Variants in HIC1 observed in about 807,000 individuals in gnomAD.
HIC1 encodes the protein hypermethylated in cancer 1 protein.
Under a neutral mutation model 26.4 loss-of-function variants are expected in HIC1, and 9 were observed. The ratio of observed to expected loss-of-function variants is 0.34; its 90% CI spans 0.21 to 0.59. HIC1 has a LOEUF of 0.59. Ranked by LOEUF, HIC1 falls within the 20% of genes least tolerant of loss-of-function variation. The probability of loss-of-function intolerance (pLI) is 0.82; values close to 1 mark genes in which losing one functional copy is unlikely to be tolerated. For missense variants in HIC1, 965 were observed against 1,075.7 expected, an observed-to-expected ratio of 0.90 and a Z score of 1.44; for synonymous variants, 631 against 523.1, an observed-to-expected ratio of 1.21 and a Z score of -2.81.
Position 2,057,665 on chromosome 17 carries a change from G to T in HIC1, c.975G>T (p.Glu325Asp). The change falls in exon 2 of 2, where the codon GAG (glutamate) becomes GAT (aspartate). Residue 325 changes from glutamate (E) to aspartate (D), a missense_variant. Coordinates refer to ENST00000619757, the MANE Select transcript of HIC1 (RefSeq NM_006497.4). Reference sequence around the variant, plus strand: ...CGGGCCTGGGTAGCTATGGCGACGAGCTGGGCCGGGAGCGCGGCTCCCCCA... The same window carrying T: ...CGGGCCTGGGTAGCTATGGCGACGATCTGGGCCGGGAGCGCGGCTCCCCCA... ...HEPGLGSYGD[E>D]LGRERGSPSE... is the part of the protein sequence containing the mutation. 6.6e-7 allele frequency: 1 copy of T among 1,511,936 alleles called. No homozygotes were observed. Among genetic ancestry groups the T allele is most frequent in the Non-Finnish European group, 8.8e-7 (1 of 1,137,782 alleles). The allele number at this position is 1,511,936 out of a possible 1,614,324, so 93.7% of individuals were successfully genotyped here.
rs2067682610 is a variant in HIC1 at position 2,057,437 on chromosome 17, G to C, written c.747G>C (p.Pro249=). ...PLAERELPPR[P]DSPPSAGPAA... ...CTGAGCGCGAGCTGCCCCCGCGCCC[G>C]GACAGCCCTCCCAGCGCCGGCCCCG... Residue 249 remains proline, a synonymous_variant, in exon 2 of 2, where the codon CCG becomes CCC. Transcript: ENST00000619757. The C allele has an allele frequency of 4.1e-6, 6 of 1,453,168 alleles. No homozygotes were observed. The Admixed American group carries it at 1.1e-4, about 26-fold the overall frequency. The allele number at this position is 1,453,168 out of a possible 1,614,324, so 90.0% of individuals were successfully genotyped here. A position where few individuals can be genotyped will look rare whatever the true frequency, so the allele number is the denominator to read the frequency against.
In HIC1 at chr17:2,061,647, C is replaced by A. The variant is rs1463895747; in HGVS notation, c.*2812C>A. 1 of 1,561,850 alleles carries A rather than the reference C, an allele frequency of 6.4e-7. No homozygotes were observed. Among genetic ancestry groups the A allele is most frequent in the Admixed American group, 1.9e-5 (1 of 52,934 alleles). On this transcript the variant is annotated 3_prime_UTR_variant, in exon 2 of 2. Transcript: ENST00000619757. ...TCTGTGGGCATGAGAGAGCAGAAGG[C>A]TGTCACTGAGGACAGGAGGCAGAGG...
In HIC1 at chr17:2,058,049, G is replaced by C; in HGVS notation, c.1359G>C (p.Ala453=). The part of the protein sequence containing the change: ...EEEALYGRAE[A]AEVAAGAAGL... ...AAGCGCTGTACGGCAGGGCCGAGGC[G>C]GCCGAAGTGGCCGCTGGGGCCGCCG... Residue 453 remains alanine (A), a synonymous_variant, in exon 2 of 2, where the codon GCG becomes GCC. Coordinates refer to ENST00000619757, the MANE Select transcript of HIC1 (RefSeq NM_006497.4). 1 of 1,582,582 alleles carries C rather than the reference G, an allele frequency of 6.3e-7. No homozygotes were observed. Among genetic ancestry groups the C allele is most frequent in the Non-Finnish European group, 8.6e-7 (1 of 1,166,460 alleles).
In HIC1 at chr17:2,058,939, C is replaced by G. The variant is rs1370107986; in HGVS notation, c.*104C>G. Reference sequence around the variant, plus strand: ...GGGCCCACTGTGCCCGGGACAACCGCAGCGTCGCCACAGTGGCGGCTCCAC... The same window carrying G: ...GGGCCCACTGTGCCCGGGACAACCGGAGCGTCGCCACAGTGGCGGCTCCAC... On this transcript the variant is annotated 3_prime_UTR_variant, in exon 2 of 2. Coordinates refer to ENST00000619757, the MANE Select transcript of HIC1 (RefSeq NM_006497.4). The G allele has an allele frequency of 9.5e-7, 1 of 1,052,220 alleles. No individual in the cohort carries two copies. Among genetic ancestry groups the G allele is most frequent in the Admixed American group, 4.2e-5 (1 of 23,674 alleles). The allele number at this position is 1,052,220 out of a possible 1,614,324, so 65.2% of individuals were successfully genotyped here. A position where few individuals can be genotyped will look rare whatever the true frequency, so the allele number is the denominator to read the frequency against.
chr17:2,057,477 C>A lies in HIC1; in HGVS notation c.787C>A (p.Pro263Thr). The A allele has an allele frequency of 6.8e-7, 1 of 1,478,782 alleles. No homozygotes were observed. Among genetic ancestry groups the A allele is most frequent in the South Asian group, 1.3e-5 (1 of 78,926 alleles). 91.6% of individuals were successfully genotyped at this position (1,478,782 alleles called of 1,614,324 possible). A position where few individuals can be genotyped will look rare whatever the true frequency, so the allele number is the denominator to read the frequency against. ...CGCCGGCCCCGCCGCCTACAAGGAG[C>A]CGCCTCTCGCCCTGCCGTCGCTGCC... ...PSAGPAAYKE[P>T]PLALPSLPPL... The change falls in exon 2 of 2, where the codon CCG becomes ACG. Residue 263 changes from proline (P) to threonine (T), a missense_variant. Transcript: ENST00000619757.
At position 2,061,619 on chromosome 17, in the gene HIC1, T is replaced by G; in HGVS notation, c.*2784T>G. 1 of 1,571,202 alleles carries G rather than the reference T, an allele frequency of 6.4e-7. No individual in the cohort carries two copies. Among genetic ancestry groups the G allele is most frequent in the Non-Finnish European group, 8.6e-7 (1 of 1,157,970 alleles). On this transcript the variant is annotated 3_prime_UTR_variant, in exon 2 of 2. Coordinates refer to ENST00000619757, the MANE Select transcript of HIC1 (RefSeq NM_006497.4). ...CACCTCCCGCAGTAGCCGGATTGGC[T>G]CCTCTGTGGGCATGAGAGAGCAGAA...
Position 2,057,116 on chromosome 17 carries a change from C to T in HIC1, c.426C>T (p.Gly142=). 7.6e-7 allele frequency: 1 copy of T among 1,307,668 alleles called. No homozygotes were observed. Among genetic ancestry groups the T allele is most frequent in the South Asian group, 2.3e-5 (1 of 43,016 alleles). 81.0% of individuals were successfully genotyped at this position (1,307,668 alleles called of 1,614,324 possible). ...GCAAGTACTGCCACCTGCGGGGCGG[C>T]GGCGGCGGCGGCGGCGGCTACGCGC... ...RHGKYCHLRG[G]GGGGGGYAPY... The change falls in exon 2 of 2, where the codon GGC becomes GGT. Residue 142 remains glycine (G), a synonymous_variant. Transcript: ENST00000619757.
Position 2,058,653 on chromosome 17 carries a change from C to T in HIC1, c.1963C>T (p.Leu655=). The part of the protein sequence containing the change: ...QQDKAAAAEL[L]AQTTHFLHDP... ...GGACAAGGCGGCCGCGGCCGAGCTG[C>T]TGGCGCAGACCACGCACTTCCTGCA... The change falls in exon 2 of 2, where the codon CTG becomes TTG. Residue 655 remains leucine, a synonymous_variant. Transcript: ENST00000619757. 6.4e-7 allele frequency: 1 copy of T among 1,563,702 alleles called. No homozygotes were observed. Among genetic ancestry groups the T allele is most frequent in the Non-Finnish European group, 8.6e-7 (1 of 1,161,060 alleles).
Position 2,058,398 on chromosome 17 carries a change from A to C in HIC1, c.1708A>C (p.Lys570Gln). 6.2e-7 allele frequency: 1 copy of C among 1,610,838 alleles called. No individual in the cohort carries two copies. Among genetic ancestry groups the C allele is most frequent in the Non-Finnish European group, 8.5e-7 (1 of 1,179,006 alleles). ...GCACATGCGCATCCACTCGGGCGAG[A>C]AGCCCTACGAGTGCCAGGTGTGCGG... Reference protein sequence around the residue: ...TEHMRIHSGEKPYECQVCGGK... With the variant: ...TEHMRIHSGEQPYECQVCGGK... The change falls in exon 2 of 2, where the codon AAG becomes CAG. Residue 570 changes from lysine (K) to glutamine (Q), a missense_variant. This residue lies in a region of HIC1 where 45 missense variants were observed against 119.9 expected (regional missense o/e 0.38). Transcript: ENST00000619757.
At position 2,057,085 on chromosome 17, in the gene HIC1, G is replaced by A. The variant is rs1485518057; in HGVS notation, c.395G>A (p.Arg132His). Residue 132 changes from arginine to histidine, a missense_variant, in exon 2 of 2, where the codon CGC becomes CAC. This residue lies in a region of HIC1 where 526 missense variants were observed against 525.0 expected (regional missense o/e 1.00). Transcript: ENST00000619757. ...LVALCKKRLK[R>H]HGKYCHLRGG... ...GCGCTGTGCAAGAAACGCCTCAAGC[G>A]CCACGGCAAGTACTGCCACCTGCGG... 2 of 1,400,036 alleles carry A rather than the reference G, an allele frequency of 1.4e-6. No homozygotes were observed. Among genetic ancestry groups the A allele is most frequent in the East Asian group, 3.0e-5 (1 of 33,130 alleles). 86.7% of individuals were successfully genotyped at this position (1,400,036 alleles called of 1,614,324 possible). A position where few individuals can be genotyped will look rare whatever the true frequency, so the allele number is the denominator to read the frequency against.
In HIC1 at chr17:2,060,099, G is replaced by A. The variant is rs1597306652; in HGVS notation, c.*1264G>A. The A allele has an allele frequency of 1.3e-5, 2 of 152,918 alleles. No individual in the cohort carries two copies. Among genetic ancestry groups the A allele is most frequent in the Admixed American group, 6.5e-5 (1 of 15,300 alleles). 9.5% of individuals were successfully genotyped at this position (152,918 alleles called of 1,614,324 possible). A position where few individuals can be genotyped will look rare whatever the true frequency, so the allele number is the denominator to read the frequency against. On this transcript the variant is annotated 3_prime_UTR_variant, in exon 2 of 2. Transcript: ENST00000619757. ...GCTTCTGGCATAGTCCTGGGCCTCA[G>A]GGAGGGCAGAGCTGCGCACCCATCC...
rs1275257479 is a variant in HIC1, at chr17:2,056,924, G to A, written c.234G>A (p.Val78=). 1.2e-6 allele frequency: 2 copies of A among 1,612,386 alleles called. No homozygotes were observed. The highest frequency in any genetic ancestry group is 1.7e-5 in the Admixed American group (1 of 59,986). ...TGAGCCCGGCCGTGTTCCGCCTGGT[G>A]CTGGACTTCATCTACACCGGCCGCC... ...DMVSPAVFRL[V]LDFIYTGRLA... is the part of the protein sequence containing the mutation. The change falls in exon 2 of 2, where the codon GTG becomes GTA. Residue 78 remains valine, a synonymous_variant. Coordinates refer to ENST00000619757, the MANE Select transcript of HIC1 (RefSeq NM_006497.4).
At chr17:2,056,004 C>G (rs1200279521) in intron 1 of HIC1, among the ~76,000 whole-genome samples, 3 of 124,362 alleles carry the variant, frequency 2.4e-5, no homozygotes, top group African/African-American at 8.8e-5. Context: ...CTGGGAGCTG[C>G]GTGGCTCCCC....
In HIC1 at chr17:2,063,225, A is replaced by C. The variant is rs1206903617; in HGVS notation, c.*4390A>C. 6.6e-6 allele frequency: 1 copy of C among 152,238 alleles called. No homozygotes were observed. The highest frequency in any genetic ancestry group is 1.5e-5 in the Non-Finnish European group (1 of 68,050). 9.4% of individuals were successfully genotyped at this position (152,238 alleles called of 1,614,324 possible). ...GGATACTTTGACATTTTTCACAATA[A>C]ACATCCTCTGTTTTGACACTGGTAA... On this transcript the variant is annotated 3_prime_UTR_variant, in exon 2 of 2. Transcript: ENST00000619757.
rs772459357 is a variant in HIC1, at chr17:2,058,485, G to C, written c.1795G>C (p.Ala599Pro). Residue 599 changes from alanine (A) to proline (P), a missense_variant, in exon 2 of 2, where the codon GCG becomes CCG. Physicochemically the swap from Ala to Pro is conservative, Grantham distance 27. Transcript: ENST00000619757. ...SHMKMHAVGG[A>P]AGAAGALAGL... Reference sequence around the variant, plus strand: ...CATGAAGATGCACGCCGTGGGGGGCGCGGCCGGCGCGGCCGGGGCGCTGGC... The same window carrying C: ...CATGAAGATGCACGCCGTGGGGGGCCCGGCCGGCGCGGCCGGGGCGCTGGC... 7 of 1,476,996 alleles carry C rather than the reference G, an allele frequency of 4.7e-6. No homozygotes were observed. The highest frequency in any genetic ancestry group is 3.6e-6 in the Non-Finnish European group (4 of 1,123,504). 91.5% of individuals were successfully genotyped at this position (1,476,996 alleles called of 1,614,324 possible).
Position 2,061,641 on chromosome 17 carries a change from A to G in HIC1, c.*2806A>G, listed in dbSNP as rs1169228612. The G allele has an allele frequency of 4.5e-6, 7 of 1,564,420 alleles. No homozygotes were observed. Among genetic ancestry groups the G allele is most frequent in the Non-Finnish European group, 5.2e-6 (6 of 1,154,480 alleles). ...GGCTCCTCTGTGGGCATGAGAGAGC[A>G]GAAGGCTGTCACTGAGGACAGGAGG... On this transcript the variant is annotated 3_prime_UTR_variant, in exon 2 of 2. Transcript: ENST00000619757.
Position 2,057,111 on chromosome 17 carries a change from G to A in HIC1, c.421G>A (p.Gly141Ser), listed in dbSNP as rs1453540088. Reference sequence around the variant, plus strand: ...CCACGGCAAGTACTGCCACCTGCGGGGCGGCGGCGGCGGCGGCGGCGGCTA... The same window carrying A: ...CCACGGCAAGTACTGCCACCTGCGGAGCGGCGGCGGCGGCGGCGGCGGCTA... Reference protein sequence around the residue: ...KRHGKYCHLRGGGGGGGGYAP... With the variant: ...KRHGKYCHLRSGGGGGGGYAP... The change falls in exon 2 of 2, where the codon GGC becomes AGC. Residue 141 changes from glycine to serine, a missense_variant. Around this residue, in one of 6 missense-constraint regions of HIC1, gnomAD observed 526 missense variants for 525.0 expected, o/e 1.00. Transcript: ENST00000619757. 7 of 1,248,116 alleles carry A rather than the reference G, an allele frequency of 5.6e-6. No individual in the cohort carries two copies. The highest frequency in any genetic ancestry group is 4.7e-5 in the African/African-American group (3 of 63,556). The allele number at this position is 1,248,116 out of a possible 1,614,324, so 77.3% of individuals were successfully genotyped here.
chr17:2,061,969 C>A lies in HIC1; in HGVS notation c.*3134C>A. 1 of 196,350 alleles carries A rather than the reference C, an allele frequency of 5.1e-6. No homozygotes were observed. The highest frequency in any genetic ancestry group is 5.5e-5 in the Admixed American group (1 of 18,218). The allele number at this position is 196,350 out of a possible 1,614,324, so 12.2% of individuals were successfully genotyped here. ...ACTCCTTTTTACCACATGGCTGGCC[C>A]CCAGATCACAACACCGCTCTCCCCA... On this transcript the variant is annotated 3_prime_UTR_variant, in exon 2 of 2. Coordinates refer to ENST00000619757, the MANE Select transcript of HIC1 (RefSeq NM_006497.4).
rs1265671258 is a variant in HIC1, at chr17:2,057,523, TGGA to T, written c.839_841del (p.Glu280del). The T allele has an allele frequency of 4.0e-6, 6 of 1,493,172 alleles. No homozygotes were observed. Among genetic ancestry groups the T allele is most frequent in the Non-Finnish European group, 5.3e-6 (6 of 1,127,328 alleles). The allele number at this position is 1,493,172 out of a possible 1,614,324, so 92.5% of individuals were successfully genotyped here. ...CTGCCGCCGCTGCCCTTCCAGAAGCTGGAGGAGGCCGCACCGCCTTCCGACCCA... is the reference window on the plus strand; with the variant it reads ...CTGCCGCCGCTGCCCTTCCAGAAGCTGGAGGCCGCACCGCCTTCCGACCCA... On this transcript the variant is annotated inframe_deletion, in exon 2 of 2. Transcript: ENST00000619757.
Sources: gnomAD v4.1 joint callset for allele counts (sites outside exome capture counted in the v4.1 genomes callset) on GRCh38, gnomAD v4.1.1 for gene constraint, gnomAD v4.1.1 regional missense constraint, MANE v1.5 for transcripts, NCBI Gene and HGNC (gene_info 2026-07-23, HGNC 2026-07-21) for gene names.